FHIP2B: variants seen among roughly 807,000 people sequenced by gnomAD.
FHIP2B encodes the protein FHF complex subunit HOOK-interacting protein 2B.
In FHIP2B, 72 loss-of-function variants were observed where a neutral mutation model predicts 84.0. That is an observed-to-expected ratio of 0.86 (90% CI 0.71 to 1.04). The LOEUF (loss-of-function observed/expected upper bound fraction) is 1.04, where lower values mean the gene tolerates loss of function less well. Ranked by LOEUF, FHIP2B falls within the 50% of genes least tolerant of loss-of-function variation. FHIP2B has a pLI of 0.00. For missense variants in FHIP2B, 972 were observed against 968.9 expected, an observed-to-expected ratio of 1.00 and a Z score of -0.04; for synonymous variants, 497 against 418.7, an observed-to-expected ratio of 1.19 and a Z score of -2.28.
rs1263622538 is a variant in FHIP2B at position 22,099,372 on chromosome 8, G to C, written c.1151+12G>C. The C allele has an allele frequency of 3.7e-6, 6 of 1,612,504 alleles. No individual in the cohort carries two copies. Among genetic ancestry groups the C allele is most frequent in the Non-Finnish European group, 5.1e-6 (6 of 1,179,272 alleles). On this transcript the variant is annotated intron_variant, in intron 9 of 16. Transcript: ENST00000289921. ...CAGCTCCTGCACGTGTAAGTGTCTA[G>C]TTCCCTCAGGCATGACTGTGGTCTA...
intron 1 of FHIP2B, among the ~76,000 whole-genome samples, chr8:22,092,203 G>A (rs1825527517): frequency 6.6e-6 from 1 of 152,200 alleles, no homozygotes; most frequent in Admixed American, 6.5e-5. Context: ...CCATGTTGCA[G>A]TGGCCTTCTA....
chr8:22,090,156 G>T (rs1563585551), intron 1 of FHIP2B, among the ~76,000 whole-genome samples: 1 of 136,624 alleles, frequency 7.3e-6, no homozygotes, highest in Non-Finnish European at 1.6e-5. Context: ...GGTAGGGTGG[G>T]GGGGGTGCCC....
rs747782138 is a variant in FHIP2B at position 22,100,672 on chromosome 8, C to T, written c.1420C>T (p.Arg474Cys). The part of the protein sequence containing the change: ...HEGIIHSLVL[R>C]NLEGRPYVAW... ...GGGGATCATCCACAGCCTGGTCCTG[C>T]GCAACCTTGAGGGCCGCCCTTACGT... The change falls in exon 11 of 17, where the codon CGC (arginine) becomes TGC (cysteine). Residue 474 changes from arginine (R) to cysteine (C), a missense_variant. Arg to Cys is a radical substitution (Grantham distance 180, BLOSUM62 -3). Coordinates refer to ENST00000289921, the MANE Select transcript of FHIP2B (RefSeq NM_022749.7). 6.2e-6 allele frequency: 10 copies of T among 1,607,262 alleles called. No individual in the cohort carries two copies. The highest frequency in any genetic ancestry group is 2.7e-5 in the African/African-American group (2 of 74,746).
At chr8:22,094,897 T>C in intron 2 of FHIP2B, 3 of 1,072,830 alleles carry the variant, frequency 2.8e-6, no homozygotes, top group Non-Finnish European at 3.4e-6. Context: ...AAGAATTTAA[T>C]AAATTCCCCT....
rs59841460 is a variant in FHIP2B at position 22,093,708 on chromosome 8, C to CTT, written c.46-707_46-706dup. On this transcript the variant is annotated intron_variant, in intron 1 of 16. Transcript: ENST00000289921. The stretch of plus-strand genomic sequence containing the variant: ...ATTGAGAGGAATGGAAAAGCTTTGT[C>CTT]TTTTTTTTTTTTTTTTTTTTTTTTT... 6.1e-3 allele frequency among the ~76,000 whole-genome samples: 404 copies of CTT among 66,432 alleles called. 112 individuals carry two copies. Among genetic ancestry groups the CTT allele is most frequent in the African/African-American group, 0.024 (386 of 15,800 alleles). 43.6% of individuals were successfully genotyped at this position (66,432 alleles called of 152,430 possible).
Position 22,102,939 on chromosome 8 carries a change from C to G in FHIP2B, c.*8C>G, listed in dbSNP as rs751836920. The G allele has an allele frequency of 6.2e-7, 1 of 1,612,354 alleles. No individual in the cohort carries two copies. The highest frequency in any genetic ancestry group is 8.5e-7 in the Non-Finnish European group (1 of 1,179,346). ...CCGGAAGGGCAGGTCTGAGCCAGCA[C>G]CAGGGCGGTGGGAGACTCCTGTCCA... On this transcript the variant is annotated 3_prime_UTR_variant, in exon 17 of 17. Coordinates refer to ENST00000289921, the MANE Select transcript of FHIP2B (RefSeq NM_022749.7).
In FHIP2B at chr8:22,100,917, C is replaced by T. The variant is rs1343295790; in HGVS notation, c.1561C>T (p.Leu521=). 2 of 1,613,962 alleles carry T rather than the reference C, an allele frequency of 1.2e-6. No homozygotes were observed. Among genetic ancestry groups the T allele is most frequent in the Non-Finnish European group, 1.7e-6 (2 of 1,179,900 alleles). ...SGFQTPAKPR[L]APATSYDGKT... ...CTTTCAAACTCCCGCAAAGCCTCGC[C>T]TAGCTCCTGCTACCAGTTACGATGG... Residue 521 remains leucine, a synonymous_variant, in exon 12 of 17, where the codon CTA becomes TTA. Coordinates refer to ENST00000289921, the MANE Select transcript of FHIP2B (RefSeq NM_022749.7).
rs372716620 is a variant in FHIP2B, at chr8:22,101,786, C to T, written c.1786C>T (p.Arg596Ter). 20 of 1,613,398 alleles carry T rather than the reference C, an allele frequency of 1.2e-5. No individual in the cohort carries two copies. The highest frequency in any genetic ancestry group is 3.3e-5 in the South Asian group (3 of 91,010). ...PTPLDPHEPE[R>*]PFFEGHFLRV... ...ACCTTTGGACCCCCATGAGCCCGAG[C>T]GACCTTTCTTCGAGGGCCACTTCCT... The change falls in exon 14 of 17, where the codon CGA becomes TGA. Residue 596 changes from arginine (R) to a stop codon, truncating the protein, a stop_gained. Transcript: ENST00000289921. LOFTEE classifies it high-confidence loss of function.
intron 1 of FHIP2B, among the ~76,000 whole-genome samples, chr8:22,090,551 T>C (rs778029884): frequency 7.2e-5 from 11 of 152,160 alleles, no homozygotes; most frequent in Non-Finnish European, 1.0e-4. Context: ...AATTCATACC[T>C]CTGGGGAACA....
At chr8:22,100,278 A>G in intron 10 of FHIP2B, 2 of 386,738 alleles carry the variant, frequency 5.2e-6, no homozygotes. Flanking sequence ...GGCTCGCTGG[A>G]AGGCTAACAC....
intron 1 of FHIP2B, among the ~76,000 whole-genome samples, chr8:22,090,159 G>GGGC (rs1554573652): frequency 7.5e-6 from 1 of 133,762 alleles, no homozygotes; most frequent in Non-Finnish European, 1.6e-5. Flanking sequence ...AGGGTGGGGG[G>GGGC]GGTGCCCGCT....
intron 1 of FHIP2B, among the ~76,000 whole-genome samples, chr8:22,094,013 G>C (rs1478451927): frequency 1.3e-5 from 2 of 152,062 alleles, no homozygotes; most frequent in Admixed American, 6.5e-5. Flanking sequence ...CACTGCACCT[G>C]ACCTTTGCCA....
chr8:22,089,634 T>TA, intron 1 of FHIP2B: 1 of 474,502 alleles, frequency 2.1e-6, no homozygotes, highest in Non-Finnish European at 3.4e-6. Flanking sequence ...GGGTGTTTCC[T>TA]GCCCCCCGGG....
intron 10 of FHIP2B, 146 bp downstream of exon 10, chr8:22,100,039 C>G: frequency 1.3e-6 from 1 of 762,562 alleles, no homozygotes; most frequent in Admixed American, 3.8e-5. Flanking sequence ...ACTTTTATCA[C>G]ACACTAATTT....
In FHIP2B at chr8:22,098,618, A is replaced by G. The variant is rs1337832088; in HGVS notation, c.964A>G (p.Arg322Gly). Residue 322 changes from arginine to glycine, a missense_variant and splice_region_variant, in exon 7 of 17, where the codon AGG becomes GGG. Coordinates refer to ENST00000289921, the MANE Select transcript of FHIP2B (RefSeq NM_022749.7). ...TGCCACCTTAGAGGGCATCAGCTGGAGGTGGGTGCCCAGCCCGGGAAGGCC... is the reference window on the plus strand; with the variant it reads ...TGCCACCTTAGAGGGCATCAGCTGGGGGTGGGTGCCCAGCCCGGGAAGGCC... ...DIATLEGISW[R>G]LPSAPSDEAS... The G allele has an allele frequency of 3.2e-6, 5 of 1,556,616 alleles. No homozygotes were observed. The highest frequency in any genetic ancestry group is 4.4e-6 in the Non-Finnish European group (5 of 1,146,958).
In FHIP2B at chr8:22,098,459, C is replaced by T. The variant is rs770258006; in HGVS notation, c.805C>T (p.Leu269=). ...GGCCTTGAAGGCCCAGGAGAACCTG[C>T]TGCTCCTGGTGAGCATGGCCTCCCC... ...RVALKAQENL[L]LLVSMASPAA... is the part of the protein sequence containing the mutation. The change falls in exon 7 of 17, where the codon CTG becomes TTG. Residue 269 remains leucine, a synonymous_variant. Transcript: ENST00000289921. 40 of 1,606,878 alleles carry T rather than the reference C, an allele frequency of 2.5e-5. 1 individual carries two copies. The South Asian group carries it at 3.4e-4, about 14-fold the overall frequency.
chr8:22,089,182 A>G lies in FHIP2B; in HGVS notation c.-72A>G, dbSNP rs980260042. On this transcript the variant is annotated 5_prime_UTR_variant, in exon 1 of 17. Coordinates refer to ENST00000289921, the MANE Select transcript of FHIP2B (RefSeq NM_022749.7). Reference sequence around the variant, plus strand: ...TCGTCGCGCCGGGGCCGCCGGGGCCACGGGGCTGCCTCCTCCGCCTAGAGC... The same window carrying G: ...TCGTCGCGCCGGGGCCGCCGGGGCCGCGGGGCTGCCTCCTCCGCCTAGAGC... The G allele has an allele frequency of 1.9e-5, 18 of 958,180 alleles. No homozygotes were observed. The African/African-American group carries it at 2.7e-4, about 14-fold the overall frequency. 59.4% of individuals were successfully genotyped at this position (958,180 alleles called of 1,614,324 possible).
At chr8:22,102,693 G>A in intron 16 of FHIP2B, 65 bp downstream of exon 16, 1 of 1,585,728 alleles carries the variant, frequency 6.3e-7, no homozygotes. Flanking sequence ...CTGGAGGAGA[G>A]GTGGCTGGCC....
intron 15 of FHIP2B, 102 bp downstream of exon 15, chr8:22,102,417 T>C: frequency 6.6e-7 from 1 of 1,512,194 alleles, no homozygotes; most frequent in South Asian, 1.3e-5. Flanking sequence ...GTGGGCACCC[T>C]TGCCAGTGCC....
Sources: allele counts gnomAD v4.1 joint callset (sites outside exome capture counted in the v4.1 genomes callset), GRCh38; gene constraint gnomAD v4.1.1; transcripts MANE v1.5; gene names NCBI Gene and HGNC (gene_info 2026-07-23, HGNC 2026-07-21).